The following VPS13B variants were observed in gnomAD, a reference collection of about 807,000 sequenced individuals.
VPS13B encodes intermembrane lipid transfer protein VPS13B.
VPS13B carries 285 observed loss-of-function variants against 426.4 expected under a neutral mutation model. The observed-to-expected ratio is 0.67, with a 90% CI of 0.61 to 0.74. The LOEUF is 0.74. Among genes scored for constraint, VPS13B ranks in the 30% least tolerant of loss-of-function variants. The pLI, the probability that VPS13B is intolerant of heterozygous loss-of-function variation, is 0.00. For missense variants in VPS13B, 4,537 were observed against 4,782.6 expected, an observed-to-expected ratio of 0.95 and a Z score of 1.51; for synonymous variants, 1,676 against 1,676.4, an observed-to-expected ratio of 1.00 and a Z score of 0.01.
chr8:99,621,993 C>T (rs913951737), intron 33 of VPS13B, among the ~76,000 whole-genome samples: 3 of 151,524 alleles, frequency 2.0e-5, no homozygotes, highest in African/African-American at 4.8e-5. Context: ...ACCACCACGC[C>T]GGGCTTTTTT....
At chr8:99,028,380 C>T (rs1408140319) in intron 2 of VPS13B, among the ~76,000 whole-genome samples, 11 of 146,798 alleles carry the variant, frequency 7.5e-5, no homozygotes, top group African/African-American at 1.6e-4. Context: ...GGCGGCTGGC[C>T]GGGCGGGGGG....
intron 3 of VPS13B, among the ~76,000 whole-genome samples, chr8:99,083,099 G>C (rs1035953328): frequency 2.6e-5 from 4 of 152,126 alleles, no homozygotes; most frequent in East Asian, 3.8e-4. Context: ...CATGAGCATG[G>C]AATGTTCTTC....
At chr8:99,807,497 G>A (rs977810236) in intron 43 of VPS13B, among the ~76,000 whole-genome samples, 5 of 150,726 alleles carry the variant, frequency 3.3e-5, no homozygotes, top group African/African-American at 1.2e-4. Context: ...AGTTTTGTGT[G>A]TACCCTGAGC....
chr8:99,818,702 T>C lies in VPS13B; in HGVS notation c.8446-11T>C. ...AAATATGAAAGTTGTTCTATCCTTT[T>C]ATTTTTATAGATTGTGTTCAGCCCT... is the stretch of plus-strand genomic sequence containing the variant. On this transcript the variant is annotated splice_polypyrimidine_tract_variant and intron_variant, in intron 46 of 61. Transcript: ENST00000357162. 2 of 1,613,602 alleles carry C rather than the reference T, an allele frequency of 1.2e-6. No individual in the cohort carries two copies. Among genetic ancestry groups the C allele is most frequent in the Admixed American group, 1.7e-5 (1 of 60,026 alleles).
intron 3 of VPS13B, among the ~76,000 whole-genome samples, chr8:99,066,314 A>G (rs1050618551): frequency 3.9e-5 from 6 of 152,224 alleles, no homozygotes; most frequent in Non-Finnish European, 8.8e-5. Context: ...ATATAGACCA[A>G]TGGAACAGAA....
At chr8:99,460,877 C>A (rs966475654) in intron 23 of VPS13B, among the ~76,000 whole-genome samples, 1 of 152,182 alleles carries the variant, frequency 6.6e-6, no homozygotes, top group Non-Finnish European at 1.5e-5. Context: ...GCTAGTGGAA[C>A]CTCCTCTGTG....
chr8:99,109,265 G>T (rs1847223867), intron 5 of VPS13B, among the ~76,000 whole-genome samples: 1 of 151,846 alleles, frequency 6.6e-6, no homozygotes, highest in African/African-American at 2.4e-5. Flanking sequence ...AAATATAGTT[G>T]CTGTTATATT....
chr8:99,418,776 T>C (rs1378479584), intron 21 of VPS13B, among the ~76,000 whole-genome samples: 3 of 152,150 alleles, frequency 2.0e-5, no homozygotes, highest in Non-Finnish European at 4.4e-5. Flanking sequence ...AATGTGATAG[T>C]GTGTATCACT....
chr8:99,221,620 C>T (rs571144822), intron 17 of VPS13B, among the ~76,000 whole-genome samples: 1 of 152,228 alleles, frequency 6.6e-6, no homozygotes, highest in Non-Finnish European at 1.5e-5. Context: ...ACTTTTCAGT[C>T]GCGGACACAC....
At chr8:99,633,172 T>C (rs751930548) in intron 33 of VPS13B, among the ~76,000 whole-genome samples, 1 of 152,020 alleles carries the variant, frequency 6.6e-6, no homozygotes, top group Non-Finnish European at 1.5e-5. Flanking sequence ...GGGATATGTA[T>C]GATTTAGGGG....
At chr8:99,052,866 T>TTGG in intron 3 of VPS13B, among the ~76,000 whole-genome samples, 1 of 152,212 alleles carries the variant, frequency 6.6e-6, no homozygotes, top group Non-Finnish European at 1.5e-5. Flanking sequence ...TTCTGTGGGA[T>TTGG]TGGTGGTGAT....
At chr8:99,130,491 C>T (rs996176742) in intron 8 of VPS13B, among the ~76,000 whole-genome samples, 1 of 151,608 alleles carries the variant, frequency 6.6e-6, no homozygotes, top group African/African-American at 2.4e-5. Context: ...GGGTTCACGC[C>T]ATTCTCCTGC....
At chr8:99,469,497 A>G (rs1819286823) in intron 24 of VPS13B, among the ~76,000 whole-genome samples, 2 of 152,038 alleles carry the variant, frequency 1.3e-5, no homozygotes, top group South Asian at 4.1e-4. Flanking sequence ...TAGAATCAGT[A>G]GTGAATACTT....
intron 33 of VPS13B, among the ~76,000 whole-genome samples, chr8:99,636,382 T>C (rs1471398976): frequency 6.6e-6 from 1 of 152,034 alleles, no homozygotes; most frequent in Non-Finnish European, 1.5e-5. Context: ...TTTCATTTTA[T>C]TTTAATTAGC....
chr8:99,614,279 A>G (rs1335670100), intron 33 of VPS13B, among the ~76,000 whole-genome samples: 1 of 151,956 alleles, frequency 6.6e-6, no homozygotes, highest in Non-Finnish European at 1.5e-5. Context: ...ACACATATAT[A>G]TATATATGTA....
intron 30 of VPS13B, among the ~76,000 whole-genome samples, chr8:99,546,956 T>G (rs1824014769): frequency 6.6e-6 from 1 of 152,068 alleles, no homozygotes; most frequent in Admixed American, 6.6e-5. Context: ...TTATGGAAAT[T>G]ATTTAGAAAA....
At chr8:99,864,566 G>GTAA (rs772565395) in intron 58 of VPS13B, among the ~76,000 whole-genome samples, 7 of 151,994 alleles carry the variant, frequency 4.6e-5, no homozygotes, top group Non-Finnish European at 1.0e-4. Flanking sequence ...AATAATAATA[G>GTAA]TAATAATAAT....
chr8:99,287,224 ATCTG>A (rs200832966), intron 19 of VPS13B, among the ~76,000 whole-genome samples: 167 of 112,280 alleles, frequency 1.5e-3, no homozygotes, highest in Middle Eastern at 0.014. Flanking sequence ...GTGTGTATCT[ATCTG>A]TCTGTCTATC....
chr8:99,179,021 T>C (rs1410221146), intron 16 of VPS13B, among the ~76,000 whole-genome samples: 1 of 152,228 alleles, frequency 6.6e-6, no homozygotes, highest in East Asian at 1.9e-4. Flanking sequence ...TTCTTCATTA[T>C]GCCTTATAAC....
Sources: allele counts gnomAD v4.1 joint callset (sites outside exome capture counted in the v4.1 genomes callset), GRCh38; gene constraint gnomAD v4.1.1; transcripts MANE v1.5; gene names NCBI Gene and HGNC (gene_info 2026-07-23, HGNC 2026-07-21).